SLC47A2: variants seen among roughly 807,000 people sequenced by gnomAD.
SLC47A2 encodes the protein multidrug and toxin extrusion protein 2.
Under a neutral mutation model 67.7 loss-of-function variants are expected in SLC47A2, and 52 were observed. The ratio of observed to expected loss-of-function variants is 0.77; its 90% CI spans 0.61 to 0.97. The LOEUF (loss-of-function observed/expected upper bound fraction) is 0.97. Among genes scored for constraint, SLC47A2 ranks in the 50% least tolerant of loss-of-function variants. SLC47A2 has a pLI of 0.00. For missense variants in SLC47A2, 676 were observed against 712.3 expected, an observed-to-expected ratio of 0.95 and a Z score of 0.58; for synonymous variants, 278 against 292.9, an observed-to-expected ratio of 0.95 and a Z score of 0.52.
intron 13 of SLC47A2, among the ~76,000 whole-genome samples, chr17:19,700,647 C>G (rs2085761068): frequency 6.6e-6 from 1 of 151,938 alleles, no homozygotes; most frequent in Non-Finnish European, 1.5e-5. Flanking sequence ...CACCTGTAGT[C>G]CCAGCTACTC....
chr17:19,678,334 C>A lies in SLC47A2; in HGVS notation c.*352G>T. 1 of 242,290 alleles carries A rather than the reference C, an allele frequency of 4.1e-6. No individual in the cohort carries two copies. The highest frequency in any genetic ancestry group is 8.2e-6 in the Non-Finnish European group (1 of 121,658). 15.0% of individuals were successfully genotyped at this position (242,290 alleles called of 1,614,324 possible). On this transcript the variant is annotated 3_prime_UTR_variant, in exon 17 of 17. Transcript: ENST00000433844. ...AGGCTGTGCCCAGGAAATGTGTAATCTTTAATATAACAGTGGTTTTTGTGA... is the reference window on the plus strand; with the variant it reads ...AGGCTGTGCCCAGGAAATGTGTAATATTTAATATAACAGTGGTTTTTGTGA...
In SLC47A2 at chr17:19,678,826, C is replaced by G; in HGVS notation, c.1561G>C (p.Glu521Gln). 4.3e-6 allele frequency: 7 copies of G among 1,613,688 alleles called. No individual in the cohort carries two copies. Among genetic ancestry groups the G allele is most frequent in the Non-Finnish European group, 5.9e-6 (7 of 1,179,808 alleles). The change falls in exon 17 of 17, where the codon GAG becomes CAG. Residue 521 changes from glutamate to glutamine, a missense_variant. Coordinates refer to ENST00000433844, the MANE Select transcript of SLC47A2 (RefSeq NM_001099646.3). ...ECHVDFFRTP[E>Q]EAHALSAPTS... is the part of the protein sequence containing the mutation. Reference sequence around the variant, plus strand: ...GGAGCTGAAAGGGCGTGGGCCTCCTCTGGAGTCCTGAAGAAGTCCACGTGG... The same window carrying G: ...GGAGCTGAAAGGGCGTGGGCCTCCTGTGGAGTCCTGAAGAAGTCCACGTGG...
intron 4 of SLC47A2, among the ~76,000 whole-genome samples, chr17:19,713,057 G>A (rs2086145112): frequency 6.6e-6 from 1 of 152,082 alleles, no homozygotes. Context: ...AATGAACAAG[G>A]CATCCCTATG....
chr17:19,706,922 G>A (rs1014256207), intron 8 of SLC47A2, among the ~76,000 whole-genome samples, 161 bp from the exon 9 acceptor site: 14 of 152,200 alleles, frequency 9.2e-5, no homozygotes, highest in African/African-American at 3.1e-4. Flanking sequence ...AGCTGGTCTA[G>A]AGCTGGTGTT....
chr17:19,697,583 T>G (rs924224386), intron 13 of SLC47A2, among the ~76,000 whole-genome samples: 2 of 152,104 alleles, frequency 1.3e-5, no homozygotes, highest in African/African-American at 2.4e-5. Context: ...TTTTTAAAAT[T>G]TGTTTTATTT....
chr17:19,678,385 G>GCC lies in SLC47A2; in HGVS notation c.*299_*300dup. On this transcript the variant is annotated 3_prime_UTR_variant, in exon 17 of 17. Transcript: ENST00000433844. The stretch of plus-strand genomic sequence containing the variant: ...TTTTATCTGCAGTGTCCCATTTGAA[G>GCC]CCATTTACATTATTAATAATAGTGA... 5.4e-6 allele frequency: 2 copies of GCC among 367,188 alleles called. No individual in the cohort carries two copies. The highest frequency in any genetic ancestry group is 1.0e-5 in the Non-Finnish European group (2 of 199,332). 22.7% of individuals were successfully genotyped at this position (367,188 alleles called of 1,614,324 possible).
chr17:19,704,171 A>C lies in SLC47A2; in HGVS notation c.917T>G (p.Leu306Trp). 1 of 1,604,668 alleles carries C rather than the reference A, an allele frequency of 6.2e-7. No homozygotes were observed. The highest frequency in any genetic ancestry group is 1.7e-4 in the Middle Eastern group (1 of 5,998). The change falls in exon 11 of 17, where the codon TTG becomes TGG. Residue 306 changes from leucine (L) to tryptophan (W), a missense_variant. Transcript: ENST00000433844. ...GACACAGACCCCGATGCTGAGCCCCAAGGGAATCTGGGATCAAAGATAAGA... is the reference window on the plus strand; with the variant it reads ...GACACAGACCCCGATGCTGAGCCCCCAGGGAATCTGGGATCAAAGATAAGA... ...EVATVTYMIP[L>W]GLSIGVCVRV...
rs767488392 is a variant in SLC47A2 at position 19,713,939 on chromosome 17, A to G, written c.329T>C (p.Val110Ala). 1 of 1,613,478 alleles carries G rather than the reference A, an allele frequency of 6.2e-7. No individual in the cohort carries two copies. Among genetic ancestry groups the G allele is most frequent in the Non-Finnish European group, 8.5e-7 (1 of 1,179,666 alleles). The part of the protein sequence containing the change: ...FGSPNKKHVG[V>A]ILQRGALVLL... ...GACCAGCGCGCCCCGCTGCAGGATC[A>G]CGCCCACGTGCTTCTTGTTGGGGCT... Residue 110 changes from valine (V) to alanine (A), a missense_variant, in exon 4 of 17, where the codon GTG (valine) becomes GCG (alanine). Physicochemically the swap from Val to Ala is moderately conservative, Grantham distance 64. Transcript: ENST00000433844.
intron 3 of SLC47A2, 84 bp from the exon 4 acceptor site, chr17:19,714,057 CG>C: frequency 6.6e-7 from 1 of 1,515,338 alleles, no homozygotes; most frequent in Non-Finnish European, 8.9e-7. Flanking sequence ...CTGTCAGCGG[CG>C]CCAGCGGTGT....
rs750175660 is a variant in SLC47A2 at position 19,702,675 on chromosome 17, C to G, written c.1095-1G>C. On this transcript the variant is annotated splice_acceptor_variant, in intron 12 of 16. Coordinates refer to ENST00000433844, the MANE Select transcript of SLC47A2 (RefSeq NM_001099646.3). LOFTEE classifies it high-confidence loss of function. ...CTGGCTCACCAGGGCAATGACATCT[C>G]TGCAGAAGAAATGAGAAAGCATTAA... is the stretch of plus-strand genomic sequence containing the variant. 1 of 1,613,962 alleles carries G rather than the reference C, an allele frequency of 6.2e-7. No individual in the cohort carries two copies. The highest frequency in any genetic ancestry group is 1.1e-5 in the South Asian group (1 of 90,970).
intron 13 of SLC47A2, among the ~76,000 whole-genome samples, chr17:19,691,956 G>A (rs143313668): frequency 7.6e-4 from 115 of 152,232 alleles, no homozygotes; most frequent in Middle Eastern, 3.4e-3. Flanking sequence ...ATTGGCTGGC[G>A]CAGTGGCTCA....
intron 13 of SLC47A2, among the ~76,000 whole-genome samples, chr17:19,682,467 A>G (rs1319645374): frequency 6.6e-6 from 1 of 152,116 alleles, no homozygotes; most frequent in Admixed American, 6.5e-5. Flanking sequence ...CTAGTTGAGA[A>G]TGTGTCTCTG....
At chr17:19,692,978 A>G (rs1350620662) in intron 13 of SLC47A2, among the ~76,000 whole-genome samples, 1 of 152,026 alleles carries the variant, frequency 6.6e-6, no homozygotes, top group Non-Finnish European at 1.5e-5. Context: ...TCAAAGTACA[A>G]AAATTAGCCA....
chr17:19,686,474 G>A (rs1485375691), intron 13 of SLC47A2, among the ~76,000 whole-genome samples: 1 of 152,106 alleles, frequency 6.6e-6, no homozygotes, highest in African/African-American at 2.4e-5. Flanking sequence ...GAATGTAAAT[G>A]AACTAAAAAC....
chr17:19,701,151 G>A (rs1359573952), intron 13 of SLC47A2, among the ~76,000 whole-genome samples: 1 of 126,656 alleles, frequency 7.9e-6, no homozygotes, highest in African/African-American at 3.1e-5. Flanking sequence ...CTGGGCGACA[G>A]AATGAGACTC....
At chr17:19,710,043 C>T (rs1326378337) in intron 5 of SLC47A2, among the ~76,000 whole-genome samples, 2 of 152,188 alleles carry the variant, frequency 1.3e-5, no homozygotes, top group East Asian at 3.9e-4. Context: ...TGGGACTGCA[C>T]ACTGTTGGGA....
intron 5 of SLC47A2, among the ~76,000 whole-genome samples, chr17:19,710,662 G>A (rs991182674): frequency 1.8e-4 from 27 of 151,874 alleles, no homozygotes; most frequent in African/African-American, 5.1e-4. Context: ...CATGTTGGCC[G>A]GGCTGGTCTC....
chr17:19,711,796 GT>G (rs1056828623), intron 5 of SLC47A2, among the ~76,000 whole-genome samples: 2 of 151,674 alleles, frequency 1.3e-5, no homozygotes, highest in African/African-American at 4.8e-5. Flanking sequence ...GTAATTGATA[GT>G]TTCCTTGAAA....
At chr17:19,703,610 C>T (rs757977250) in intron 11 of SLC47A2, among the ~76,000 whole-genome samples, 17 of 152,250 alleles carry the variant, frequency 1.1e-4, no homozygotes, top group Non-Finnish European at 1.9e-4. Context: ...TCTCAGAAAG[C>T]ACAGCCATGA....
Sources: allele counts gnomAD v4.1 joint callset (sites outside exome capture counted in the v4.1 genomes callset), GRCh38; gene constraint gnomAD v4.1.1; transcripts MANE v1.5; gene names NCBI Gene and HGNC (gene_info 2026-07-23, HGNC 2026-07-21).